The following CSTF3 variants were observed in gnomAD, a reference collection of about 807,000 sequenced individuals.
CSTF3 encodes cleavage stimulation factor subunit 3.
A neutral mutation model predicts 105.8 loss-of-function variants in CSTF3; 29 were observed. The observed-to-expected ratio is 0.27, with a 90% CI of 0.20 to 0.37. CSTF3 has a LOEUF of 0.37. Ranked by LOEUF, CSTF3 falls within the 10% of genes least tolerant of loss-of-function variation. The pLI is 1.00. For synonymous variants in CSTF3, 252 were observed against 281.9 expected, an observed-to-expected ratio of 0.89 and a Z score of 1.06; for missense variants, 357 against 879.3, an observed-to-expected ratio of 0.41 and a Z score of 7.51.
At position 33,085,975 on chromosome 11, in the gene CSTF3, G is replaced by A. The variant is rs563376018; in HGVS notation, c.1810C>T (p.Pro604Ser). 1 of 1,497,400 alleles carries A rather than the reference G, an allele frequency of 6.7e-7. No homozygotes were observed. The highest frequency in any genetic ancestry group is 1.4e-5 in the African/African-American group (1 of 71,224). The allele number at this position is 1,497,400 out of a possible 1,614,324, so 92.8% of individuals were successfully genotyped here. The change falls in exon 19 of 21, where the codon CCT becomes TCT. Residue 604 changes from proline (P) to serine (S), a missense_variant. Coordinates refer to ENST00000323959, the MANE Select transcript of CSTF3 (RefSeq NM_001326.3). The stretch of plus-strand genomic sequence containing the variant: ...ACTGGGAACACTCCACCAGGTACAG[G>A]GTGTAAACCTGGAGCTGTGAGAAAA... ...PRHLAPPGLH[P>S]VPGGVFPVPP...
At chr11:33,088,010 T>C (rs1228618356) in intron 17 of CSTF3, among the ~76,000 whole-genome samples, 4 of 152,224 alleles carry the variant, frequency 2.6e-5, no homozygotes, top group African/African-American at 4.8e-5. Flanking sequence ...GAACCCCTTT[T>C]TGCCGCCATC....
At chr11:33,096,250 A>G in intron 15 of CSTF3, 56 bp downstream of exon 15, 1 of 1,191,526 alleles carries the variant, frequency 8.4e-7, no homozygotes, top group East Asian at 2.7e-5. Flanking sequence ...ATCTAGCAAC[A>G]TAATTCCACA....
chr11:33,138,263 G>T (rs1005369252), intron 3 of CSTF3, among the ~76,000 whole-genome samples: 1 of 151,600 alleles, frequency 6.6e-6, no homozygotes, highest in Admixed American at 6.6e-5. Context: ...TATGAATGTG[G>T]CCCGATTCAA....
intron 1 of CSTF3, among the ~76,000 whole-genome samples, chr11:33,157,218 T>C (rs1849878200): frequency 6.6e-6 from 1 of 151,932 alleles, no homozygotes; most frequent in African/African-American, 2.4e-5. Flanking sequence ...AGCCGGGCAT[T>C]GTGGCGTGTG....
At chr11:33,120,051 A>T (rs538930527) in intron 3 of CSTF3, among the ~76,000 whole-genome samples, 1 of 151,944 alleles carries the variant, frequency 6.6e-6, no homozygotes, top group South Asian at 2.1e-4. Flanking sequence ...TTTGATAGTA[A>T]AATATGAATT....
intron 3 of CSTF3, among the ~76,000 whole-genome samples, chr11:33,109,799 T>C (rs903504929): frequency 3.9e-5 from 6 of 152,152 alleles, no homozygotes; most frequent in Admixed American, 1.3e-4. Flanking sequence ...CTCTCTTCTA[T>C]TTGTTCCTTT....
In CSTF3 at chr11:33,087,157, A is replaced by C. The variant is rs772229084; in HGVS notation, c.1642-16T>G. On this transcript the variant is annotated splice_polypyrimidine_tract_variant and intron_variant, in intron 17 of 20. Transcript: ENST00000323959. The stretch of plus-strand genomic sequence containing the variant: ...GGGAGACATCCTGAAAATGCAGAAC[A>C]GAAGAATCCTAAACCTGAAAAAGGG... 1.7e-5 allele frequency: 28 copies of C among 1,613,466 alleles called. No individual in the cohort carries two copies. Among genetic ancestry groups the C allele is most frequent in the Non-Finnish European group, 2.3e-5 (27 of 1,179,722 alleles).
At chr11:33,126,425 G>A (rs1855544037) in intron 3 of CSTF3, among the ~76,000 whole-genome samples, 1 of 151,976 alleles carries the variant, frequency 6.6e-6, no homozygotes, top group South Asian at 2.1e-4. Flanking sequence ...ACTCCAGCCT[G>A]GGTGACAGAG....
chr11:33,093,675 CACTT>C (rs1407820942), intron 15 of CSTF3, among the ~76,000 whole-genome samples: 2 of 151,944 alleles, frequency 1.3e-5, no homozygotes, highest in Non-Finnish European at 2.9e-5. Flanking sequence ...TGTATTTACA[CACTT>C]ACACCACAAC....
chr11:33,161,039 C>T (rs972188103), intron 1 of CSTF3, among the ~76,000 whole-genome samples: 2 of 152,058 alleles, frequency 1.3e-5, no homozygotes, highest in African/African-American at 2.4e-5. Context: ...TGGAGTAGTC[C>T]CATGAATCTA....
intron 1 of CSTF3, among the ~76,000 whole-genome samples, chr11:33,142,778 C>T (rs947702254): frequency 1.3e-5 from 2 of 152,070 alleles, no homozygotes; most frequent in Non-Finnish European, 2.9e-5. Context: ...ATAAGAATGT[C>T]GCTTTTTACG....
At chr11:33,159,230 G>T (rs1849905042) in intron 1 of CSTF3, among the ~76,000 whole-genome samples, 1 of 152,074 alleles carries the variant, frequency 6.6e-6, no homozygotes, top group Non-Finnish European at 1.5e-5. Flanking sequence ...CACTGAGGTG[G>T]GTGAATCGCT....
Position 33,146,834 on chromosome 11 carries a change from C to A in CSTF3, c.28-4848G>T, listed in dbSNP as rs184500663. On this transcript the variant is annotated intron_variant, in intron 1 of 20. Transcript: ENST00000323959. The stretch of plus-strand genomic sequence containing the variant: ...GGGATACATAACAAAATAAAGAATT[C>A]TTTCAATGGGTTTACTTCTTGAAAA... Among the ~76,000 whole-genome samples, 184 of 150,692 alleles carry A rather than the reference C, an allele frequency of 1.2e-3. 2 individuals are homozygous for A. Among genetic ancestry groups the A allele is most frequent in the African/African-American group, 4.3e-3 (177 of 41,122 alleles).
chr11:33,148,977 C>CG (rs1855822520), intron 1 of CSTF3, among the ~76,000 whole-genome samples: 1 of 151,266 alleles, frequency 6.6e-6, no homozygotes, highest in South Asian at 2.1e-4. Flanking sequence ...CAGGCGTGTA[C>CG]CACCGCTCCT....
intron 3 of CSTF3, among the ~76,000 whole-genome samples, chr11:33,111,624 C>G (rs949206478): frequency 1.3e-5 from 2 of 152,190 alleles, no homozygotes; most frequent in Non-Finnish European, 2.9e-5. Flanking sequence ...TTACTATCAT[C>G]TATGCATTTC....
At position 33,096,306 on chromosome 11, in the gene CSTF3, C is replaced by G; in HGVS notation, c.1375G>C (p.Glu459Gln). The change falls in exon 15 of 21, where the codon GAG (glutamate) becomes CAG (glutamine). Residue 459 changes from glutamate to glutamine, a missense_variant and splice_region_variant. Glu to Gln is a conservative substitution (Grantham distance 29). Transcript: ENST00000323959. ...AYIDYLSHLN[E>Q]DNNTRVLFER... Reference sequence around the variant, plus strand: ...ATTATAGATTCTAGAATCAACCTACCATTGAGGTGAGAAAGATAGTCAATA... The same window carrying G: ...ATTATAGATTCTAGAATCAACCTACGATTGAGGTGAGAAAGATAGTCAATA... 1.3e-6 allele frequency: 2 copies of G among 1,532,902 alleles called. No homozygotes were observed. The highest frequency in any genetic ancestry group is 1.8e-6 in the Non-Finnish European group (2 of 1,139,540). 95.0% of individuals were successfully genotyped at this position (1,532,902 alleles called of 1,614,324 possible).
In CSTF3 at chr11:33,099,227, C is replaced by T; in HGVS notation, c.937-77G>A. 6.7e-7 allele frequency: 1 copy of T among 1,487,508 alleles called. No individual in the cohort carries two copies. Among genetic ancestry groups the T allele is most frequent in the Non-Finnish European group, 9.0e-7 (1 of 1,107,184 alleles). 92.1% of individuals were successfully genotyped at this position (1,487,508 alleles called of 1,614,324 possible). A position where few individuals can be genotyped will look rare whatever the true frequency, so the allele number is the denominator to read the frequency against. ...GAGAATAAAATTAATAAAGTTACAT[C>T]TACTTTATTTTATTTATGTGTCTAA... On this transcript the variant is annotated intron_variant, in intron 11 of 20. Transcript: ENST00000323959. This position sits in a 1 kb window ranked among gnomAD's most constrained non-coding sequence, Gnocchi z 4.1.
chr11:33,110,897 C>G (rs1217877110), intron 3 of CSTF3, among the ~76,000 whole-genome samples: 1 of 152,018 alleles, frequency 6.6e-6, no homozygotes, highest in African/African-American at 2.4e-5. Flanking sequence ...AAAAATGTAT[C>G]TTTTGACGCA....
chr11:33,150,344 T>C (rs575124697), intron 1 of CSTF3, among the ~76,000 whole-genome samples: 2 of 152,202 alleles, frequency 1.3e-5, no homozygotes, highest in South Asian at 4.1e-4. Context: ...CCCAAAAACT[T>C]ATTACTATCA....
Sources: allele counts gnomAD v4.1 joint callset (sites outside exome capture counted in the v4.1 genomes callset), GRCh38; gene constraint gnomAD v4.1.1; non-coding constraint Gnocchi (gnomAD v3.1); transcripts MANE v1.5; gene names NCBI Gene and HGNC (gene_info 2026-07-23, HGNC 2026-07-21).